PPM1E: variants seen among roughly 807,000 people sequenced by gnomAD.
The protein encoded by PPM1E is protein phosphatase, Mg2+/Mn2+ dependent 1E.
In PPM1E, 20 loss-of-function variants were observed where a neutral mutation model predicts 65.9. That is an observed-to-expected ratio of 0.30 (90% CI 0.21 to 0.44). The LOEUF (loss-of-function observed/expected upper bound fraction) is 0.44, where lower values mean the gene tolerates loss of function less well. Among genes scored for constraint, PPM1E ranks in the 20% least tolerant of loss-of-function variants. PPM1E has a pLI of 1.00. For synonymous variants in PPM1E, 352 were observed against 374.9 expected, an observed-to-expected ratio of 0.94 and a Z score of 0.70; for missense variants, 713 against 953.1, an observed-to-expected ratio of 0.75 and a Z score of 3.32.
At chr17:58,965,934 A>G (rs1567891367) in intron 3 of PPM1E, 41 bp downstream of exon 3, 5 of 1,567,190 alleles carry the variant, frequency 3.2e-6, no homozygotes, top group Admixed American at 1.7e-5. Flanking sequence ...TTTTAAAGAC[A>G]AAACAAACAC....
chr17:58,964,318 T>G (rs1382828519), intron 2 of PPM1E, among the ~76,000 whole-genome samples: 1 of 152,184 alleles, frequency 6.6e-6, no homozygotes, highest in African/African-American at 2.4e-5. Context: ...TAATCTCTCT[T>G]TGGTTATTTC....
chr17:58,755,887 C>T lies in PPM1E; in HGVS notation c.-111C>T, dbSNP rs564240702. 1.8e-4 allele frequency: 268 copies of T among 1,520,416 alleles called. No homozygotes were observed. The African/African-American group carries it at 2.2e-3, about 13-fold the overall frequency. 94.2% of individuals were successfully genotyped at this position (1,520,416 alleles called of 1,614,324 possible). A position where few individuals can be genotyped will look rare whatever the true frequency, so the allele number is the denominator to read the frequency against. ...GCAACCTAGTGCTGATCGCTCGTGC[C>T]GGTGCGGCCGTTAACCGCCCTTGCC... On this transcript the variant is annotated 5_prime_UTR_variant, in exon 1 of 7. Transcript: ENST00000308249.
At chr17:58,904,656 T>G (rs2051535422) in intron 1 of PPM1E, among the ~76,000 whole-genome samples, 1 of 152,178 alleles carries the variant, frequency 6.6e-6, no homozygotes, top group Admixed American at 6.5e-5. Flanking sequence ...ATTTCTCCAT[T>G]AATTTAGTTC....
At chr17:58,768,826 T>C (rs1259275144) in intron 1 of PPM1E, among the ~76,000 whole-genome samples, 1 of 152,122 alleles carries the variant, frequency 6.6e-6, no homozygotes, top group Non-Finnish European at 1.5e-5. Flanking sequence ...TATGCCACTA[T>C]GTCTGGCTAA....
intron 1 of PPM1E, among the ~76,000 whole-genome samples, chr17:58,889,009 G>A (rs1350202699): frequency 1.3e-5 from 2 of 152,088 alleles, no homozygotes; most frequent in Non-Finnish European, 2.9e-5. Context: ...CTATTTTAAT[G>A]TAAAGGAAAT....
At chr17:58,920,191 G>A (rs1230918001) in intron 1 of PPM1E, among the ~76,000 whole-genome samples, 4 of 152,266 alleles carry the variant, frequency 2.6e-5, no homozygotes, top group Non-Finnish European at 5.9e-5. Flanking sequence ...ATGAGTTTTA[G>A]CACTAAACTT....
At chr17:58,935,056 G>A (rs2051960303) in intron 1 of PPM1E, among the ~76,000 whole-genome samples, 1 of 152,098 alleles carries the variant, frequency 6.6e-6, no homozygotes, top group South Asian at 2.1e-4. Context: ...TTCAAGACCA[G>A]CCTGGCCAAC....
chr17:58,905,245 GA>G (rs1427996958), intron 1 of PPM1E, among the ~76,000 whole-genome samples: 10 of 152,118 alleles, frequency 6.6e-5, no homozygotes, highest in African/African-American at 2.4e-4. Context: ...GTACAATGTT[GA>G]AAAAGAGTAG....
chr17:58,967,985 G>T (rs1046456011), intron 3 of PPM1E, among the ~76,000 whole-genome samples: 12 of 152,036 alleles, frequency 7.9e-5, no homozygotes, highest in African/African-American at 2.9e-4. Context: ...TGTATTTTTA[G>T]TAGAGACAGG....
chr17:58,940,463 A>T (rs1598663663), intron 1 of PPM1E, among the ~76,000 whole-genome samples: 1 of 152,172 alleles, frequency 6.6e-6, no homozygotes, highest in African/African-American at 2.4e-5. Flanking sequence ...CCTCCTCCCT[A>T]CTTCACTGAA....
intron 1 of PPM1E, among the ~76,000 whole-genome samples, chr17:58,882,765 C>G (rs73315117): frequency 0.023 from 3,538 of 152,060 alleles, 131 homozygotes; most frequent in African/African-American, 0.081. Context: ...ATAACCACTT[C>G]ATAATGTTCC....
intron 1 of PPM1E, among the ~76,000 whole-genome samples, chr17:58,852,593 C>A (rs1022617723): frequency 7.6e-5 from 11 of 145,532 alleles, no homozygotes; most frequent in Non-Finnish European, 3.0e-5. Context: ...TATGTATCTT[C>A]TTTTTTTGTT....
chr17:58,940,111 C>A (rs1203814743), intron 1 of PPM1E, among the ~76,000 whole-genome samples: 1 of 152,168 alleles, frequency 6.6e-6, no homozygotes, highest in Non-Finnish European at 1.5e-5. Flanking sequence ...ATTTGCCGAA[C>A]TTTAAAACTT....
intron 1 of PPM1E, among the ~76,000 whole-genome samples, chr17:58,902,884 G>A (rs1366917397): frequency 6.6e-6 from 1 of 152,106 alleles, no homozygotes; most frequent in Admixed American, 6.5e-5. Flanking sequence ...TCAGAAATTT[G>A]TATGGGCAAG....
chr17:58,979,053 C>A (rs1339551931), intron 6 of PPM1E, among the ~76,000 whole-genome samples: 1 of 152,186 alleles, frequency 6.6e-6, no homozygotes, highest in Non-Finnish European at 1.5e-5. Flanking sequence ...TGATAACTAA[C>A]TTACCCTTCA....
chr17:58,928,194 T>C lies in PPM1E; in HGVS notation c.465-27455T>C, dbSNP rs542846486. On this transcript the variant is annotated intron_variant, in intron 1 of 6. Coordinates refer to ENST00000308249, the MANE Select transcript of PPM1E (RefSeq NM_014906.5). Reference sequence around the variant, plus strand: ...CTGCAGTGAGCTGTGTTTGCACCACTGCACTCTAGGATGGGTGACAGAGCA... The same window carrying C: ...CTGCAGTGAGCTGTGTTTGCACCACCGCACTCTAGGATGGGTGACAGAGCA... Among the ~76,000 whole-genome samples the C allele has an allele frequency of 6.6e-4, 100 of 152,160 alleles. 1 individual carries two copies. The highest frequency in any genetic ancestry group is 2.2e-3 in the African/African-American group (93 of 41,524).
At chr17:58,887,067 G>C (rs1262306438) in intron 1 of PPM1E, among the ~76,000 whole-genome samples, 2 of 151,886 alleles carry the variant, frequency 1.3e-5, no homozygotes, top group Non-Finnish European at 2.9e-5. Context: ...GTGCATCCTA[G>C]GTAGCAAATT....
chr17:58,909,098 T>TA (rs537130051), intron 1 of PPM1E, among the ~76,000 whole-genome samples: 50 of 152,314 alleles, frequency 3.3e-4, no homozygotes, highest in Non-Finnish European at 6.6e-4. Flanking sequence ...CCTTTTTTTT[T>TA]ATGTGCATCT....
At chr17:58,961,211 C>A (rs1355593778) in intron 2 of PPM1E, among the ~76,000 whole-genome samples, 1 of 152,156 alleles carries the variant, frequency 6.6e-6, no homozygotes, top group Non-Finnish European at 1.5e-5. Flanking sequence ...TGAAGCAGAA[C>A]ACAATCAAGA....
Sources: allele counts gnomAD v4.1 joint callset (sites outside exome capture counted in the v4.1 genomes callset), GRCh38; gene constraint gnomAD v4.1.1; transcripts MANE v1.5; gene names NCBI Gene and HGNC (gene_info 2026-07-23, HGNC 2026-07-21).